Variants in CAMTA1 observed in about 807,000 individuals in gnomAD.
CAMTA1 encodes the protein calmodulin-binding transcription activator 1.
In CAMTA1, 27 loss-of-function variants were observed where a neutral mutation model predicts 170.9. The ratio of observed to expected loss-of-function variants is 0.16; its 90% CI spans 0.12 to 0.22. The LOEUF is 0.22. Ranked by LOEUF, CAMTA1 falls within the 10% of genes least tolerant of loss-of-function variation. The probability of loss-of-function intolerance (pLI) is 1.00; values close to 1 mark genes in which losing one functional copy is unlikely to be tolerated. For synonymous variants in CAMTA1, 833 were observed against 891.5 expected, an observed-to-expected ratio of 0.93 and a Z score of 1.17; for missense variants, 1,619 against 2,217.2, an observed-to-expected ratio of 0.73 and a Z score of 5.42.
At chr1:7,431,327 C>T (rs2092143191) in intron 5 of CAMTA1, among the ~76,000 whole-genome samples, 1 of 152,218 alleles carries the variant, frequency 6.6e-6, no homozygotes, top group Non-Finnish European at 1.5e-5. Context: ...AAGTGGAAAC[C>T]CTTGTCCACA....
chr1:6,792,357 T>A (rs1369853931), intron 1 of CAMTA1, among the ~76,000 whole-genome samples: 1 of 151,550 alleles, frequency 6.6e-6, no homozygotes, highest in Non-Finnish European at 1.5e-5. Flanking sequence ...TTTTTTTTTT[T>A]GCCATCAGTA....
At chr1:7,106,314 G>C (rs1558109039) in intron 4 of CAMTA1, among the ~76,000 whole-genome samples, 1 of 152,186 alleles carries the variant, frequency 6.6e-6, no homozygotes, top group East Asian at 1.9e-4. Context: ...GGAGACGAAA[G>C]AGGAGGATGA....
chr1:6,796,885 G>T (rs1008205044), intron 1 of CAMTA1, among the ~76,000 whole-genome samples: 2 of 152,176 alleles, frequency 1.3e-5, no homozygotes. Flanking sequence ...ATGGTGAGCC[G>T]TAAAAAAGTT....
intron 11 of CAMTA1, among the ~76,000 whole-genome samples, chr1:7,678,043 G>A (rs1247948122): frequency 6.6e-6 from 1 of 152,124 alleles, no homozygotes; most frequent in Middle Eastern, 3.2e-3. Flanking sequence ...CAAGCCCAGG[G>A]CAGCTAAGAG....
chr1:6,979,903 T>C (rs1694137190), intron 3 of CAMTA1, among the ~76,000 whole-genome samples: 1 of 152,214 alleles, frequency 6.6e-6, no homozygotes, highest in Non-Finnish European at 1.5e-5. Flanking sequence ...CTAGCTTTCC[T>C]GGCTCTCCAC....
chr1:7,757,470 TA>T (rs1025096959), intron 22 of CAMTA1, among the ~76,000 whole-genome samples: 7 of 152,162 alleles, frequency 4.6e-5, no homozygotes, highest in Non-Finnish European at 1.0e-4. Flanking sequence ...ACCCTAGATT[TA>T]AAAGCTTTAA....
rs891814424 is a variant in CAMTA1, at chr1:7,714,528, CT to C, written c.2915-17910del. On this transcript the variant is annotated intron_variant, in intron 11 of 22. Coordinates refer to ENST00000303635, the MANE Select transcript of CAMTA1 (RefSeq NM_015215.4). The stretch of plus-strand genomic sequence containing the variant: ...TTGAAATCTATTAAATCACAGCATC[CT>C]TTTTTTTTTGGAGACAGAGTCTTGC... Among the ~76,000 whole-genome samples the C allele has an allele frequency of 1.7e-4, 25 of 148,560 alleles. No individual in the cohort carries two copies. In the South Asian group the frequency reaches 3.0e-3, roughly 18 times the overall value.
At chr1:7,138,070 T>G (rs1645644536) in intron 4 of CAMTA1, among the ~76,000 whole-genome samples, 1 of 152,186 alleles carries the variant, frequency 6.6e-6, no homozygotes, top group African/African-American at 2.4e-5. Flanking sequence ...ACTGCAGCCT[T>G]GACCTCCTGG....
intron 6 of CAMTA1, among the ~76,000 whole-genome samples, chr1:7,573,428 T>C (rs1429817946): frequency 6.6e-6 from 1 of 152,214 alleles, no homozygotes; most frequent in Non-Finnish European, 1.5e-5. Context: ...GATAATGGTG[T>C]TTCTATGAAG....
chr1:7,374,572 C>T (rs1323695346), intron 5 of CAMTA1, among the ~76,000 whole-genome samples: 1 of 152,204 alleles, frequency 6.6e-6, no homozygotes, highest in Non-Finnish European at 1.5e-5. Context: ...ACTTCCAGCA[C>T]CTTGGAACAG....
intron 3 of CAMTA1, among the ~76,000 whole-genome samples, chr1:6,967,997 T>C (rs1011348305): frequency 6.6e-6 from 1 of 152,254 alleles, no homozygotes; most frequent in Non-Finnish European, 1.5e-5. Context: ...ATTATAAATA[T>C]GCAAACTAGT....
At chr1:7,462,401 G>A (rs1213782645) in intron 5 of CAMTA1, among the ~76,000 whole-genome samples, 1 of 152,208 alleles carries the variant, frequency 6.6e-6, no homozygotes, top group African/African-American at 2.4e-5. Context: ...GCGTAGCTGA[G>A]ACTACAGGTG....
At chr1:7,140,693 G>T (rs768790811) in intron 4 of CAMTA1, among the ~76,000 whole-genome samples, 2 of 152,160 alleles carry the variant, frequency 1.3e-5, no homozygotes, top group Non-Finnish European at 2.9e-5. Context: ...TTTGTTAAAG[G>T]TTCCACTTGG....
chr1:7,230,417 T>C, intron 4 of CAMTA1, among the ~76,000 whole-genome samples: 1 of 136,322 alleles, frequency 7.3e-6, no homozygotes, highest in Non-Finnish European at 1.5e-5. Context: ...TTGGCTGGGC[T>C]GCTGCTCTGG....
intron 7 of CAMTA1, among the ~76,000 whole-genome samples, chr1:7,651,189 C>T (rs548062499): frequency 6.6e-6 from 1 of 152,296 alleles, no homozygotes; most frequent in South Asian, 2.1e-4. Context: ...AATGGCCACC[C>T]TCTTTCTGGG....
intron 3 of CAMTA1, among the ~76,000 whole-genome samples, chr1:6,856,082 G>T (rs1011176911): frequency 1.3e-5 from 2 of 152,170 alleles, no homozygotes; most frequent in East Asian, 1.9e-4. Flanking sequence ...TGGGATGCTG[G>T]GGGGAGCTGC....
chr1:7,477,095 G>T (rs750732744), intron 6 of CAMTA1, among the ~76,000 whole-genome samples: 1 of 152,168 alleles, frequency 6.6e-6, no homozygotes, highest in Non-Finnish European at 1.5e-5. Flanking sequence ...GGGCTCCAGC[G>T]GTGCCCCAGG....
At chr1:7,487,160 C>T (rs902132868) in intron 6 of CAMTA1, among the ~76,000 whole-genome samples, 4 of 152,212 alleles carry the variant, frequency 2.6e-5, no homozygotes, top group Admixed American at 6.5e-5. Flanking sequence ...CTATGCGTCT[C>T]GTGTTCCTCC....
intron 3 of CAMTA1, among the ~76,000 whole-genome samples, chr1:6,924,233 C>T (rs1163493533): frequency 2.0e-5 from 3 of 152,220 alleles, no homozygotes; most frequent in Non-Finnish European, 2.9e-5. Context: ...TACCTTCTAG[C>T]TGGGGAGACT....
Sources: gnomAD v4.1 joint callset for allele counts (sites outside exome capture counted in the v4.1 genomes callset) on GRCh38, gnomAD v4.1.1 for gene constraint, MANE v1.5 for transcripts, NCBI Gene and HGNC (gene_info 2026-07-23, HGNC 2026-07-21) for gene names.